The following TTLL1 variants were observed in gnomAD, a reference collection of about 807,000 sequenced individuals.
TTLL1 encodes polyglutamylase complex subunit TTLL1.
In TTLL1, 33 loss-of-function variants were observed where a neutral mutation model predicts 47.8. That is an observed-to-expected ratio of 0.69 (90% CI 0.52 to 0.92). The LOEUF (loss-of-function observed/expected upper bound fraction) is 0.92, where lower values mean the gene tolerates loss of function less well. TTLL1 is among the 40% of genes least tolerant of loss of function. TTLL1 has a pLI of 0.00. For missense variants in TTLL1, 488 were observed against 547.5 expected (o/e 0.89, Z 1.08); for synonymous variants, 225 against 214.1 (o/e 1.05, Z -0.45).
At chr22:43,042,546 TA>T (rs1247139632) in intron 10 of TTLL1, among the ~76,000 whole-genome samples, 1 of 152,228 alleles carries the variant, frequency 6.6e-6, no homozygotes, top group Non-Finnish European at 1.5e-5. Context: ...CCAGGCCTTG[TA>T]GGGCCACAGC....
chr22:43,066,999 A>T (rs1049567726), intron 5 of TTLL1, among the ~76,000 whole-genome samples: 2 of 152,110 alleles, frequency 1.3e-5, no homozygotes, highest in African/African-American at 4.8e-5. Context: ...AAAGAAAAAA[A>T]AAAAAGTAAA....
At chr22:43,073,085 G>T (rs1171958152) in intron 3 of TTLL1, among the ~76,000 whole-genome samples, 6 of 151,418 alleles carry the variant, frequency 4.0e-5, no homozygotes, top group African/African-American at 1.5e-4. Context: ...TGCGATCTTA[G>T]CTAACTGCAA....
chr22:43,069,680 C>G lies in TTLL1; in HGVS notation c.278G>C (p.Ser93Thr), dbSNP rs1044460607. 1 of 1,614,200 alleles carries G rather than the reference C, an allele frequency of 6.2e-7. No individual in the cohort carries two copies. The highest frequency in any genetic ancestry group is 8.5e-7 in the Non-Finnish European group (1 of 1,180,040). The change falls in exon 4 of 11, where the codon AGT becomes ACT. Residue 93 changes from serine to threonine, a missense_variant. By Grantham distance (58) the Ser-to-Thr change is moderately conservative. Coordinates refer to ENST00000266254, the MANE Select transcript of TTLL1 (RefSeq NM_012263.5). Reference protein sequence around the residue: ...RYRKELEKEGSPLAEKDENGK... With the variant: ...RYRKELEKEGTPLAEKDENGK... The stretch of plus-strand genomic sequence containing the variant: ...ATTTTCATCTTTTTCTGCCAGAGGA[C>G]TCCCTTCTTTCTCCAGCTCCTTCCT...
chr22:43,069,220 C>CAAAAAA (rs66913313), intron 4 of TTLL1, among the ~76,000 whole-genome samples: 31 of 80,376 alleles, frequency 3.9e-4, no homozygotes, highest in African/African-American at 8.1e-4. Flanking sequence ...ACTAAAAATA[C>CAAAAAA]AAAAAAAAAA....
intron 3 of TTLL1, among the ~76,000 whole-genome samples, chr22:43,074,742 A>T (rs1340438090): frequency 6.6e-6 from 1 of 151,662 alleles, no homozygotes; most frequent in African/African-American, 2.4e-5. Flanking sequence ...ATAACTCCAA[A>T]CTGCTTCTTA....
intron 1 of TTLL1, among the ~76,000 whole-genome samples, chr22:43,086,648 A>G (rs2146998342): frequency 6.6e-6 from 1 of 152,254 alleles, no homozygotes; most frequent in Admixed American, 6.5e-5. Context: ...ACAACACATC[A>G]CAGTTCAACT....
intron 3 of TTLL1, among the ~76,000 whole-genome samples, chr22:43,073,715 C>A (rs544318556): frequency 8.5e-5 from 13 of 152,256 alleles, no homozygotes; most frequent in South Asian, 2.1e-4. Flanking sequence ...CCCACCCCCC[C>A]ATACTGTTTA....
chr22:43,039,862 G>A lies in TTLL1; in HGVS notation c.1186C>T (p.Leu396=), dbSNP rs774659311. 3 of 1,613,926 alleles carry A rather than the reference G, an allele frequency of 1.9e-6. No homozygotes were observed. The highest frequency in any genetic ancestry group is 2.5e-6 in the Non-Finnish European group (3 of 1,180,018). The change falls in exon 11 of 11, where the codon CTG becomes TTG. Residue 396 remains leucine (L), a synonymous_variant. Coordinates refer to ENST00000266254, the MANE Select transcript of TTLL1 (RefSeq NM_012263.5). The stretch of plus-strand genomic sequence containing the variant: ...AGAGACTGACCCTGACGGCTTCTCA[G>A]CTCCCGGTCAGCCCCGTCACCCTGG... ...LAQGDGADRE[L]RSRQGQSLGP...
Position 43,039,569 on chromosome 22 carries a change from T to TAAAAAA in TTLL1, c.*201_*206dup. On this transcript the variant is annotated 3_prime_UTR_variant, in exon 11 of 11. Transcript: ENST00000266254. ...TGAAAATTCTGCTTAGGTTAAAAAT[T>TAAAAAA]AAAAAAAAAAGAGCGAGTTTTATAC... 2 of 416,504 alleles carry TAAAAAA rather than the reference T, an allele frequency of 4.8e-6. No individual in the cohort carries two copies. Among genetic ancestry groups the TAAAAAA allele is most frequent in the Non-Finnish European group, 7.3e-6 (2 of 272,502 alleles). The allele number at this position is 416,504 out of a possible 1,614,324, so 25.8% of individuals were successfully genotyped here.
At chr22:43,056,358 A>G (rs1156954796) in intron 8 of TTLL1, among the ~76,000 whole-genome samples, 3 of 146,006 alleles carry the variant, frequency 2.1e-5, no homozygotes, top group Non-Finnish European at 4.5e-5. Context: ...ACTCTGTCTC[A>G]AAAAAAAAAA....
intron 7 of TTLL1, among the ~76,000 whole-genome samples, chr22:43,063,422 T>C (rs1466205838): frequency 6.6e-6 from 1 of 151,756 alleles, no homozygotes; most frequent in Non-Finnish European, 1.5e-5. Flanking sequence ...ACCCACCCTG[T>C]TCTTGCAAAA....
chr22:43,049,883 C>G lies in TTLL1; in HGVS notation c.978+1918G>C, dbSNP rs186598180. Among the ~76,000 whole-genome samples, 675 of 150,118 alleles carry G rather than the reference C, an allele frequency of 4.5e-3. 1 individual carries two copies. The highest frequency in any genetic ancestry group is 8.1e-3 in the Non-Finnish European group (550 of 67,580). On this transcript the variant is annotated intron_variant, in intron 9 of 10. Coordinates refer to ENST00000266254, the MANE Select transcript of TTLL1 (RefSeq NM_012263.5). Reference sequence around the variant, plus strand: ...CCGAGGCAGGCAAATTGCCTGAGCGCTCAGGAGTTGGAGACCAGCCTGGGC... The same window carrying G: ...CCGAGGCAGGCAAATTGCCTGAGCGGTCAGGAGTTGGAGACCAGCCTGGGC...
At chr22:43,074,427 CAA>C (rs61701643) in intron 3 of TTLL1, among the ~76,000 whole-genome samples, 18,545 of 85,482 alleles carry the variant, frequency 0.22, 1,262 homozygotes, top group East Asian at 0.38. Context: ...AATTTCGTCT[CAA>C]AAAAAAAAAA....
intron 7 of TTLL1, among the ~76,000 whole-genome samples, chr22:43,062,398 G>A (rs1397287255): frequency 1.3e-5 from 2 of 151,900 alleles, no homozygotes; most frequent in East Asian, 3.9e-4. Flanking sequence ...GGCTGAGGCA[G>A]GAGAATCGCT....
At chr22:43,050,715 G>A (rs1321694859) in intron 9 of TTLL1, among the ~76,000 whole-genome samples, 1 of 152,044 alleles carries the variant, frequency 6.6e-6, no homozygotes, top group African/African-American at 2.4e-5. Flanking sequence ...TAGAGGTGGG[G>A]TTTTGCCATG....
rs533036814 is a variant in TTLL1, at chr22:43,067,664, GC to G, written c.503+745del. On this transcript the variant is annotated intron_variant, in intron 5 of 10. Coordinates refer to ENST00000266254, the MANE Select transcript of TTLL1 (RefSeq NM_012263.5). ...TGTAAAAGCAAGCATGGGCTGTGTG[GC>G]TCATGGCCAAAGACCACAGAACAGG... Among the ~76,000 whole-genome samples, 499 of 152,166 alleles carry G rather than the reference GC, an allele frequency of 3.3e-3. 1 individual carries two copies. Among genetic ancestry groups the G allele is most frequent in the African/African-American group, 0.012 (480 of 41,532 alleles).
intron 8 of TTLL1, among the ~76,000 whole-genome samples, chr22:43,054,477 T>C (rs1248655353): frequency 6.7e-6 from 1 of 148,596 alleles, no homozygotes; most frequent in Non-Finnish European, 1.5e-5. Context: ...CAGGCTGGAG[T>C]ACAATGGCAC....
At chr22:43,057,841 C>A (rs1160052438) in intron 8 of TTLL1, among the ~76,000 whole-genome samples, 1 of 152,044 alleles carries the variant, frequency 6.6e-6, no homozygotes, top group Non-Finnish European at 1.5e-5. Flanking sequence ...GAAACCTGTT[C>A]TACTTCCCAG....
intron 1 of TTLL1, among the ~76,000 whole-genome samples, chr22:43,085,762 AAAG>A (rs1929190479): frequency 6.6e-6 from 1 of 152,242 alleles, no homozygotes; most frequent in Admixed American, 6.5e-5. Context: ...CAGAGAATAA[AAAG>A]AAGAGGAGAG....
Sources: allele counts gnomAD v4.1 joint callset (sites outside exome capture counted in the v4.1 genomes callset), GRCh38; gene constraint gnomAD v4.1.1; transcripts MANE v1.5; gene names NCBI Gene and HGNC (gene_info 2026-07-23, HGNC 2026-07-21).